The following PSMD1 variants were observed in gnomAD, a reference collection of about 807,000 sequenced individuals.
PSMD1 encodes the protein proteasome 26S subunit, non-ATPase 1, also known as 26S proteasome non-ATPase regulatory subunit 1.
Under a neutral mutation model 119.0 loss-of-function variants are expected in PSMD1, and 18 were observed. The ratio of observed to expected loss-of-function variants is 0.15; its 90% CI spans 0.10 to 0.22. PSMD1 has a LOEUF of 0.22. Ranked by LOEUF, PSMD1 falls within the 10% of genes least tolerant of loss-of-function variation. The pLI is 1.00. For synonymous variants in PSMD1, 374 were observed against 396.6 expected (o/e 0.94, Z 0.68); for missense variants, 702 against 1,158.5 (o/e 0.61, Z 5.72).
At chr2:231,082,738 G>A in intron 12 of PSMD1, 145 bp from the exon 13 acceptor site, 2 of 611,746 alleles carry the variant, frequency 3.3e-6, no homozygotes, top group Non-Finnish European at 5.7e-6. Flanking sequence ...GTTTATCACT[G>A]ACCTTTTGAT....
Position 231,138,671 on chromosome 2 carries a change from A to G in PSMD1, c.1884-65A>G, listed in dbSNP as rs992732833. 11 of 1,234,808 alleles carry G rather than the reference A, an allele frequency of 8.9e-6. No individual in the cohort carries two copies. The African/African-American group carries it at 1.6e-4, about 19-fold the overall frequency. 76.5% of individuals were successfully genotyped at this position (1,234,808 alleles called of 1,614,324 possible). A position where few individuals can be genotyped will look rare whatever the true frequency, so the allele number is the denominator to read the frequency against. ...CTTTTTCAAAAACAACTTGGTTAAA[A>G]CTCTTCTGTCTTAACTTAAAATAGA... On this transcript the variant is annotated intron_variant, in intron 16 of 24. Transcript: ENST00000308696.
intron 7 of PSMD1, among the ~76,000 whole-genome samples, chr2:231,074,319 T>C (rs1694110982): frequency 1.3e-5 from 2 of 152,270 alleles, no homozygotes; most frequent in Non-Finnish European, 2.9e-5. Context: ...TTGGCCAGGC[T>C]GGTCTCGAAC....
rs374305679 is a variant in PSMD1, at chr2:231,113,686, A to G, written c.1884-25050A>G. On this transcript the variant is annotated intron_variant, in intron 16 of 24. Transcript: ENST00000308696. ...GGTATTCTCCTAGCCAAGTGGAACC[A>G]AAGATTTTGTATACCACCCACACTC... 5 of 1,573,448 alleles carry G rather than the reference A, an allele frequency of 3.2e-6. No individual in the cohort carries two copies. In the African/African-American group the frequency reaches 4.0e-5, roughly 13 times the overall value.
At chr2:231,069,842 T>C (rs761434282) in intron 5 of PSMD1, among the ~76,000 whole-genome samples, 183 bp from the exon 6 acceptor site, 5 of 152,226 alleles carry the variant, frequency 3.3e-5, no homozygotes, top group African/African-American at 4.8e-5. Context: ...TGTGGAAATA[T>C]GTAATTCTTT....
intron 12 of PSMD1, among the ~76,000 whole-genome samples, chr2:231,081,277 C>G (rs1694304068): frequency 6.6e-6 from 1 of 151,480 alleles, no homozygotes; most frequent in Non-Finnish European, 1.5e-5. Flanking sequence ...TAAAAACTTT[C>G]TTATCAGATA....
chr2:231,103,230 T>C (rs1694910839), intron 16 of PSMD1, among the ~76,000 whole-genome samples: 1 of 152,240 alleles, frequency 6.6e-6, no homozygotes, highest in Admixed American at 6.5e-5. Context: ...TATTTCTTCT[T>C]ACACCAGTTT....
intron 16 of PSMD1, among the ~76,000 whole-genome samples, chr2:231,116,110 A>G (rs1483925395): frequency 6.6e-6 from 1 of 152,124 alleles, no homozygotes; most frequent in Non-Finnish European, 1.5e-5. Flanking sequence ...AATCTAATCA[A>G]TTGGATTTTC....
At chr2:231,128,764 G>GT (rs1695787079) in intron 16 of PSMD1, among the ~76,000 whole-genome samples, 1 of 152,182 alleles carries the variant, frequency 6.6e-6, no homozygotes, top group Non-Finnish European at 1.5e-5. Context: ...TAGTCTAGGA[G>GT]TGGGGGTGTG....
rs1293864078 is a variant in PSMD1, at chr2:231,080,256, A to G, written c.1355A>G (p.Asn452Ser). The G allele has an allele frequency of 4.3e-6, 7 of 1,613,190 alleles. No homozygotes were observed. Among genetic ancestry groups the G allele is most frequent in the Non-Finnish European group, 5.9e-6 (7 of 1,179,180 alleles). ...GLYALGLIHANHGGDIIDYLL... is the reference protein window; with the variant it reads ...GLYALGLIHASHGGDIIDYLL... ...TATGCACTAGGTCTTATTCATGCCA[A>G]TCATGGTGGTGATATAATTGACTAT... Residue 452 changes from asparagine to serine, a missense_variant, in exon 12 of 25, where the codon AAT (asparagine) becomes AGT (serine). Physicochemically the swap from Asn to Ser is conservative, Grantham distance 46. Around this residue, in one of 9 missense-constraint regions of PSMD1, gnomAD observed 272 missense variants for 511.6 expected, o/e 0.53. Coordinates refer to ENST00000308696, the MANE Select transcript of PSMD1 (RefSeq NM_002807.4).
chr2:231,154,128 C>A (rs113232734), intron 19 of PSMD1, among the ~76,000 whole-genome samples: 5,941 of 149,796 alleles, frequency 0.04, 275 homozygotes, highest in African/African-American at 0.11. Context: ...AACAAAAAAA[C>A]CAAAAAAAAG....
At chr2:231,149,757 A>G (rs370067386) in intron 18 of PSMD1, among the ~76,000 whole-genome samples, 27 of 152,342 alleles carry the variant, frequency 1.8e-4, no homozygotes, top group African/African-American at 6.3e-4. Context: ...CTGTCATTTT[A>G]AGATAGGGAC....
chr2:231,099,129 C>T (rs780958317), intron 16 of PSMD1, among the ~76,000 whole-genome samples: 3 of 152,046 alleles, frequency 2.0e-5, no homozygotes, highest in Non-Finnish European at 4.4e-5. Context: ...GCTGTCTGAG[C>T]GGAAAGATTG....
intron 7 of PSMD1, 126 bp from the exon 8 acceptor site, chr2:231,075,385 C>A: frequency 1.3e-6 from 1 of 744,946 alleles, no homozygotes. Context: ...TTTTTTATTT[C>A]TTAATGGTAA....
At chr2:231,074,126 C>G (rs1694103983) in intron 7 of PSMD1, among the ~76,000 whole-genome samples, 1 of 151,986 alleles carries the variant, frequency 6.6e-6, no homozygotes, top group Non-Finnish European at 1.5e-5. Context: ...ATTTTCGAGA[C>G]AGAGTCTCAG....
Position 231,078,767 on chromosome 2 carries a change from T to G in PSMD1, c.1160+20T>G. 1 of 1,457,954 alleles carries G rather than the reference T, an allele frequency of 6.9e-7. No homozygotes were observed. The highest frequency in any genetic ancestry group is 9.3e-7 in the Non-Finnish European group (1 of 1,070,790). 90.3% of individuals were successfully genotyped at this position (1,457,954 alleles called of 1,614,324 possible). A position where few individuals can be genotyped will look rare whatever the true frequency, so the allele number is the denominator to read the frequency against. On this transcript the variant is annotated intron_variant, in intron 10 of 24. Coordinates refer to ENST00000308696, the MANE Select transcript of PSMD1 (RefSeq NM_002807.4). ...TCTTAGGTAAATATGCTTGTTGATTTTCACTTTGGTTCAAAATCTTTTTCT... is the reference window on the plus strand; with the variant it reads ...TCTTAGGTAAATATGCTTGTTGATTGTCACTTTGGTTCAAAATCTTTTTCT...
intron 17 of PSMD1, among the ~76,000 whole-genome samples, chr2:231,144,990 C>T (rs560921289): frequency 2.6e-5 from 4 of 152,310 alleles, no homozygotes; most frequent in East Asian, 1.9e-4. Flanking sequence ...TACCTCAAGA[C>T]GAGAGCGCTC....
Position 231,163,627 on chromosome 2 carries a change from T to G in PSMD1, c.2389-8T>G. ...AAAGCCAATGTTATTTTAATGGAAT[T>G]TCTTCAGATGCCGAAAGTTCAGTAT... On this transcript the variant is annotated splice_polypyrimidine_tract_variant and splice_region_variant and intron_variant, in intron 20 of 24. Transcript: ENST00000308696. 6.2e-7 allele frequency: 1 copy of G among 1,601,102 alleles called. No individual in the cohort carries two copies. Among genetic ancestry groups the G allele is most frequent in the Non-Finnish European group, 8.6e-7 (1 of 1,168,814 alleles).
intron 16 of PSMD1, among the ~76,000 whole-genome samples, chr2:231,117,208 C>A (rs1016121536): frequency 6.6e-6 from 1 of 151,826 alleles, no homozygotes; most frequent in South Asian, 2.1e-4. Flanking sequence ...TATTTCAAAA[C>A]GTTTATTTTA....
At chr2:231,080,035 C>T in intron 11 of PSMD1, 106 bp from the exon 12 acceptor site, 9 of 1,033,564 alleles carry the variant, frequency 8.7e-6, no homozygotes, top group Non-Finnish European at 1.2e-5. Context: ...CTCCTTCTCT[C>T]TTAGCAAGTG....
Sources: allele counts gnomAD v4.1 joint callset (sites outside exome capture counted in the v4.1 genomes callset), GRCh38; gene constraint gnomAD v4.1.1; regional missense constraint gnomAD v4.1.1; transcripts MANE v1.5; gene names NCBI Gene and HGNC (gene_info 2026-07-23, HGNC 2026-07-21).